The following PTPN12 variants were observed in gnomAD, a reference collection of about 807,000 sequenced individuals.
The protein encoded by PTPN12 is tyrosine-protein phosphatase non-receptor type 12.
A neutral mutation model predicts 97.6 loss-of-function variants in PTPN12; 29 were observed. The observed-to-expected ratio is 0.30, with a 90% confidence interval of 0.22 to 0.41. The LOEUF (loss-of-function observed/expected upper bound fraction) is 0.41, where lower values mean the gene tolerates loss of function less well. PTPN12 is among the 10% of genes least tolerant of loss of function. PTPN12 has a pLI of 1.00. For missense variants in PTPN12, 819 were observed against 926.0 expected, an observed-to-expected ratio of 0.88 and a Z score of 1.50; for synonymous variants, 327 against 300.4, an observed-to-expected ratio of 1.09 and a Z score of -0.91.
In PTPN12 at chr7:77,607,217, C is replaced by T. The variant is rs780784767; in HGVS notation, c.696-18C>T. The T allele has an allele frequency of 1.9e-6, 3 of 1,552,488 alleles. No homozygotes were observed. The highest frequency in any genetic ancestry group is 2.4e-5 in the South Asian group (2 of 82,200). ...TTTATCACAAAAATCAATTGTTTTT[C>T]AAACTTTATATCCTTAGTGCAGGCT... On this transcript the variant is annotated intron_variant, in intron 8 of 17. Coordinates refer to ENST00000248594, the MANE Select transcript of PTPN12 (RefSeq NM_002835.4).
intron 1 of PTPN12, among the ~76,000 whole-genome samples, chr7:77,570,521 G>A (rs550007333): frequency 6.6e-6 from 1 of 152,286 alleles, no homozygotes; most frequent in East Asian, 1.9e-4. Context: ...TGCCATATGT[G>A]GTAAGAATTT....
chr7:77,637,005 G>A lies in PTPN12; in HGVS notation c.2143-13G>A. 6.2e-7 allele frequency: 1 copy of A among 1,602,370 alleles called. No homozygotes were observed. The highest frequency in any genetic ancestry group is 8.5e-7 in the Non-Finnish European group (1 of 1,171,054). ...GAATGTATTGTAATAGGTATTAAAT[G>A]TCTTCCTCGTAGGGCTTGATAACCT... On this transcript the variant is annotated splice_polypyrimidine_tract_variant and intron_variant, in intron 15 of 17. Coordinates refer to ENST00000248594, the MANE Select transcript of PTPN12 (RefSeq NM_002835.4).
At chr7:77,625,504 T>G (rs867862496) in intron 12 of PTPN12, among the ~76,000 whole-genome samples, 1 of 105,102 alleles carries the variant, frequency 9.5e-6, no homozygotes, top group Non-Finnish European at 1.9e-5. Context: ...TCTCTCTCTC[T>G]CTCTCTCTCT....
rs1554321255 is a variant in PTPN12 at position 77,605,409 on chromosome 7, G to GGTTTTTTTTTTTTTTTTTTTTTTT, written c.696-1826_696-1825insGTTTTTTTTTTTTTTTTTTTTTTT. ...TTACTTTAAAATACTTTTGTCATGAGTTTTTTTTTTTTTTTTTTTTTTTTT... is the reference window on the plus strand; with the variant it reads ...TTACTTTAAAATACTTTTGTCATGAGGTTTTTTTTTTTTTTTTTTTTTTTTTTTTTTTTTTTTTTTTTTTTTTTT... On this transcript the variant is annotated intron_variant, in intron 8 of 17. Transcript: ENST00000248594. 6.3e-5 allele frequency among the ~76,000 whole-genome samples: 6 copies of GGTTTTTTTTTTTTTTTTTTTTTTT among 95,544 alleles called. 1 individual carries two copies. Among genetic ancestry groups the GGTTTTTTTTTTTTTTTTTTTTTTT allele is most frequent in the Middle Eastern group, 7.1e-3 (1 of 140 alleles). 62.7% of individuals were successfully genotyped at this position (95,544 alleles called of 152,430 possible). A position where few individuals can be genotyped will look rare whatever the true frequency, so the allele number is the denominator to read the frequency against.
At chr7:77,626,617 C>G in intron 12 of PTPN12, 88 bp from the exon 13 acceptor site, 1 of 1,388,646 alleles carries the variant, frequency 7.2e-7, no homozygotes, top group Non-Finnish European at 9.7e-7. Context: ...TGTAATGGCT[C>G]TTAATATGCT....
intron 1 of PTPN12, chr7:77,538,641 A>G (rs770983937): frequency 1.3e-5 from 2 of 151,382 alleles, no homozygotes; most frequent in African/African-American, 4.8e-5. Context: ...TAGATACACT[A>G]TTGCTTTAGC....
chr7:77,555,395 A>G (rs1253677364), intron 1 of PTPN12, among the ~76,000 whole-genome samples: 1 of 151,694 alleles, frequency 6.6e-6, no homozygotes, highest in Non-Finnish European at 1.5e-5. Context: ...TCTTTCTGTT[A>G]TTACCCTTAT....
At chr7:77,581,113 C>G (rs1298540211) in intron 2 of PTPN12, among the ~76,000 whole-genome samples, 1 of 152,074 alleles carries the variant, frequency 6.6e-6, no homozygotes, top group Non-Finnish European at 1.5e-5. Context: ...CACTCTGTCG[C>G]CCAGGCTAGA....
chr7:77,631,472 C>T (rs930563404), intron 13 of PTPN12, among the ~76,000 whole-genome samples: 1 of 152,092 alleles, frequency 6.6e-6, no homozygotes, highest in African/African-American at 2.4e-5. Flanking sequence ...AATACAGGAC[C>T]GTCGCATTTC....
At chr7:77,632,538 A>G in intron 14 of PTPN12, 113 bp downstream of exon 14, 1 of 774,954 alleles carries the variant, frequency 1.3e-6, no homozygotes, top group East Asian at 2.6e-5. Flanking sequence ...TTCAAAAACA[A>G]GTAAATTGAT....
At chr7:77,620,819 G>A (rs868278055) in intron 12 of PTPN12, among the ~76,000 whole-genome samples, 49 of 152,230 alleles carry the variant, frequency 3.2e-4, no homozygotes, top group African/African-American at 1.1e-3. Context: ...GTGGTGGCAC[G>A]CGCCTGCAGT....
rs569919104 is a variant in PTPN12, at chr7:77,613,768, A to G, written c.939+2722A>G. On this transcript the variant is annotated intron_variant, in intron 11 of 17. Transcript: ENST00000248594. ...CGAGTTTATTTTTTTTATAGAGATG[A>G]GGTTTTACTGTGTTGCCCAGCCTGG... Among the ~76,000 whole-genome samples the G allele has an allele frequency of 4.0e-4, 60 of 151,750 alleles. No individual in the cohort carries two copies. In the Middle Eastern group the frequency reaches 0.01, roughly 26 times the overall value.
chr7:77,605,345 A>G (rs992178377), intron 8 of PTPN12, among the ~76,000 whole-genome samples: 1 of 149,932 alleles, frequency 6.7e-6, no homozygotes, highest in African/African-American at 2.5e-5. Context: ...GTGATTTTCA[A>G]TTCTAAGATG....
chr7:77,541,138 T>C (rs2151293148), intron 1 of PTPN12, among the ~76,000 whole-genome samples: 1 of 152,354 alleles, frequency 6.6e-6, no homozygotes, highest in East Asian at 1.9e-4. Context: ...TCACCCAGGC[T>C]GGAGTGCATG....
At chr7:77,552,336 G>A (rs1398115459) in intron 1 of PTPN12, among the ~76,000 whole-genome samples, 1 of 151,322 alleles carries the variant, frequency 6.6e-6, no homozygotes, top group Non-Finnish European at 1.5e-5. Context: ...TAAACTAGAA[G>A]TACAGGATGA....
At chr7:77,609,724 T>TA (rs71082771) in intron 9 of PTPN12, among the ~76,000 whole-genome samples, 28,015 of 151,368 alleles carry the variant, frequency 0.19, 3,001 homozygotes, top group African/African-American at 0.3. Context: ...ACTAAAAATA[T>TA]AAAAAAAATC....
intron 1 of PTPN12, among the ~76,000 whole-genome samples, chr7:77,554,741 A>G (rs964441908): frequency 1.3e-5 from 2 of 152,194 alleles, no homozygotes; most frequent in Non-Finnish European, 2.9e-5. Flanking sequence ...ATGCGGTGGC[A>G]TGATCATGGC....
At chr7:77,574,206 A>G (rs1459264694) in intron 2 of PTPN12, among the ~76,000 whole-genome samples, 3 of 152,134 alleles carry the variant, frequency 2.0e-5, no homozygotes, top group Non-Finnish European at 4.4e-5. Flanking sequence ...CGAATGAGGG[A>G]TAGGGAGAAA....
At chr7:77,583,482 A>G in intron 3 of PTPN12, 73 bp from the exon 4 acceptor site, 1 of 929,800 alleles carries the variant, frequency 1.1e-6, no homozygotes, top group Non-Finnish European at 1.7e-6. Context: ...ACAATTTGAA[A>G]CCTTATATTT....
Sources: gnomAD v4.1 joint callset for allele counts (sites outside exome capture counted in the v4.1 genomes callset) on GRCh38, gnomAD v4.1.1 for gene constraint, MANE v1.5 for transcripts, NCBI Gene and HGNC (gene_info 2026-07-23, HGNC 2026-07-21) for gene names.